The following GAS7 variants were observed in gnomAD, a reference collection of about 807,000 sequenced individuals.
The protein encoded by GAS7 is growth arrest-specific protein 7.
Under a neutral mutation model 71.1 loss-of-function variants are expected in GAS7, and 28 were observed. The observed-to-expected ratio is 0.39, with a 90% CI of 0.29 to 0.54. The LOEUF is 0.54. Ranked by LOEUF, GAS7 falls within the 20% of genes least tolerant of loss-of-function variation. The pLI, the probability that GAS7 is intolerant of heterozygous loss-of-function variation, is 0.62. For synonymous variants in GAS7, 258 were observed against 245.8 expected, an observed-to-expected ratio of 1.05 and a Z score of -0.46; for missense variants, 436 against 627.8, an observed-to-expected ratio of 0.69 and a Z score of 3.27.
At chr17:10,065,284 T>C (rs999634884) in intron 1 of GAS7, among the ~76,000 whole-genome samples, 1 of 152,244 alleles carries the variant, frequency 6.6e-6, no homozygotes, top group Non-Finnish European at 1.5e-5. Context: ...TCCAAAGATA[T>C]CTGCATTTCT....
chr17:9,960,791 C>T (rs2069458210), intron 4 of GAS7, among the ~76,000 whole-genome samples: 1 of 152,236 alleles, frequency 6.6e-6, no homozygotes, highest in Admixed American at 6.5e-5. Flanking sequence ...TTAAAGTCAA[C>T]TCAGGAAAAC....
rs147198921 is a variant in GAS7 at position 9,974,923 on chromosome 17, T to C, written c.386-5161A>G. 2.3e-3 allele frequency among the ~76,000 whole-genome samples: 353 copies of C among 152,240 alleles called. 3 individuals are homozygous for C. Among genetic ancestry groups the C allele is most frequent in the African/African-American group, 8.0e-3 (332 of 41,534 alleles). The stretch of plus-strand genomic sequence containing the variant: ...AAGTCGCATCCTCAGAGCCCTACTC[T>C]CCAGGTTCCTGTTCCCTGAGGAACC... On this transcript the variant is annotated intron_variant, in intron 3 of 13. Coordinates refer to ENST00000432992, the MANE Select transcript of GAS7 (RefSeq NM_201433.2). The surrounding 1 kb of genome is among the most constrained non-coding windows in gnomAD (Gnocchi z 4.0).
chr17:10,120,111 C>T (rs1209054095), intron 1 of GAS7, among the ~76,000 whole-genome samples: 2 of 150,150 alleles, frequency 1.3e-5, no homozygotes, highest in South Asian at 2.1e-4. Context: ...CCTGCCCCCG[C>T]CCCGTGACAA....
At chr17:10,047,488 A>C (rs2072995210) in intron 1 of GAS7, among the ~76,000 whole-genome samples, 1 of 152,232 alleles carries the variant, frequency 6.6e-6, no homozygotes, top group Non-Finnish European at 1.5e-5. Flanking sequence ...TGCCACGTTT[A>C]CATAGATCCT....
At chr17:10,002,537 T>A (rs1184566185) in intron 2 of GAS7, among the ~76,000 whole-genome samples, 1 of 152,156 alleles carries the variant, frequency 6.6e-6, no homozygotes, top group Non-Finnish European at 1.5e-5. Flanking sequence ...ATTAGGTATA[T>A]CTCCTAATGC....
intron 1 of GAS7, among the ~76,000 whole-genome samples, chr17:10,067,592 TA>T (rs916898786): frequency 1.3e-5 from 2 of 152,162 alleles, no homozygotes; most frequent in African/African-American, 4.8e-5. Flanking sequence ...CCCCTCTGGC[TA>T]GGGGGTAATC....
chr17:9,989,220 T>C (rs1303304348), intron 2 of GAS7, among the ~76,000 whole-genome samples: 2 of 152,078 alleles, frequency 1.3e-5, no homozygotes, highest in East Asian at 1.9e-4. Context: ...ACCACCATTT[T>C]CTGGCCACAC....
At chr17:10,160,740 T>C (rs2142118325) in intron 1 of GAS7, among the ~76,000 whole-genome samples, 1 of 152,302 alleles carries the variant, frequency 6.6e-6, no homozygotes, top group South Asian at 2.1e-4. Flanking sequence ...GGTCTCACTA[T>C]GTTGCCTAGG....
intron 1 of GAS7, among the ~76,000 whole-genome samples, chr17:10,052,028 T>C (rs761963361): frequency 5.3e-5 from 8 of 152,172 alleles, no homozygotes; most frequent in Non-Finnish European, 1.2e-4. Flanking sequence ...GTATTTATTT[T>C]CATTTTATAA....
rs368229879 is a variant in GAS7 at position 10,001,951 on chromosome 17, A to C, written c.304+17826T>G. 8.9e-4 allele frequency among the ~76,000 whole-genome samples: 136 copies of C among 152,260 alleles called. 3 individuals carry two copies. The South Asian group carries it at 0.028, about 32-fold the overall frequency. The stretch of plus-strand genomic sequence containing the variant: ...AAACAAGCCACCCTTCCTGCTGCTC[A>C]TGCCACCTGAACCTCATGCCGGGTA... On this transcript the variant is annotated intron_variant, in intron 2 of 13. Transcript: ENST00000432992.
chr17:10,182,621 C>T (rs1022252059), intron 1 of GAS7, among the ~76,000 whole-genome samples: 4 of 152,168 alleles, frequency 2.6e-5, no homozygotes, highest in Non-Finnish European at 5.9e-5. Flanking sequence ...AAATGGACAG[C>T]CACTCCTGTT....
Position 10,042,344 on chromosome 17 carries a change from A to AG in GAS7, c.184-22448dup, listed in dbSNP as rs2072884925. Among the ~76,000 whole-genome samples, 3 of 151,814 alleles carry AG rather than the reference A, an allele frequency of 2.0e-5. 1 individual carries two copies. The highest frequency in any genetic ancestry group is 2.0e-4 in the Admixed American group (3 of 15,220). On this transcript the variant is annotated intron_variant, in intron 1 of 13. Coordinates refer to ENST00000432992, the MANE Select transcript of GAS7 (RefSeq NM_201433.2). ...AATTAATAAGAAAACACATCTGGGT[A>AG]GGGTGATGACTCACTTTTGTAACTG...
In GAS7 at chr17:9,917,098, A is replaced by C. The variant is rs2067605948; in HGVS notation, c.*130T>G. ...TAGGCTGTCCGGGTCACCCTTCTGG[A>C]ATCACCAGCTCTCTCCCCTCTCCTC... On this transcript the variant is annotated 3_prime_UTR_variant, in exon 14 of 14. Transcript: ENST00000432992. The C allele has an allele frequency of 1.5e-6, 1 of 674,502 alleles. No homozygotes were observed. The highest frequency in any genetic ancestry group is 1.8e-5 in the African/African-American group (1 of 56,092). The allele number at this position is 674,502 out of a possible 1,614,324, so 41.8% of individuals were successfully genotyped here.
At chr17:10,157,893 G>C (rs1346516822) in intron 1 of GAS7, among the ~76,000 whole-genome samples, 2 of 152,220 alleles carry the variant, frequency 1.3e-5, no homozygotes, top group African/African-American at 4.8e-5. Context: ...TGCAGTCCCA[G>C]CTACTCTAGG....
intron 2 of GAS7, among the ~76,000 whole-genome samples, chr17:9,997,568 A>G (rs1390980564): frequency 6.6e-6 from 1 of 152,198 alleles, no homozygotes; most frequent in Non-Finnish European, 1.5e-5. Flanking sequence ...TCTCCAGCGG[A>G]CACAAGCAGA....
At chr17:10,128,133 A>G (rs949713335) in intron 1 of GAS7, among the ~76,000 whole-genome samples, 1 of 152,150 alleles carries the variant, frequency 6.6e-6, no homozygotes, top group Non-Finnish European at 1.5e-5. Flanking sequence ...CCATGCGTAC[A>G]TCCTCCCCAG....
chr17:9,953,587 G>A (rs1399117214), intron 5 of GAS7, among the ~76,000 whole-genome samples: 1 of 152,198 alleles, frequency 6.6e-6, no homozygotes, highest in East Asian at 1.9e-4. Flanking sequence ...CGAGGTATCC[G>A]AATCCAGATC....
chr17:9,943,126 C>A lies in GAS7; in HGVS notation c.726G>T (p.Arg242=). ...GGGAGGGGCCCAGGCTTCACCTTTCCCGGATGAATTCTGACATTTCCTTCT... is the reference window on the plus strand; with the variant it reads ...GGGAGGGGCCCAGGCTTCACCTTTCACGGATGAATTCTGACATTTCCTTCT... ...QMQKEMSEFI[R]ERIKIEEDYA... Residue 242 remains arginine, a synonymous_variant, in exon 7 of 14, where the codon CGG becomes CGT. Transcript: ENST00000432992. 6.2e-7 allele frequency: 1 copy of A among 1,603,280 alleles called. No individual in the cohort carries two copies. The highest frequency in any genetic ancestry group is 1.1e-5 in the South Asian group (1 of 90,868).
At chr17:10,046,735 C>CAAA (rs1178498141) in intron 1 of GAS7, among the ~76,000 whole-genome samples, 15 of 24,290 alleles carry the variant, frequency 6.2e-4, no homozygotes, top group Admixed American at 1.0e-3. Flanking sequence ...GACTCTGTCT[C>CAAA]AAAAAAAAAA....
Sources: allele counts gnomAD v4.1 joint callset (sites outside exome capture counted in the v4.1 genomes callset), GRCh38; gene constraint gnomAD v4.1.1; non-coding constraint Gnocchi (gnomAD v3.1); transcripts MANE v1.5; gene names NCBI Gene and HGNC (gene_info 2026-07-23, HGNC 2026-07-21).